The following ABCC5 variants were observed in gnomAD, a reference collection of about 807,000 sequenced individuals.
ABCC5 encodes ATP binding cassette subfamily C member 5, also known as ATP-binding cassette sub-family C member 5.
In ABCC5, 61 loss-of-function variants were observed where a neutral mutation model predicts 160.9. The ratio of observed to expected loss-of-function variants is 0.38; its 90% CI spans 0.31 to 0.47. The LOEUF (loss-of-function observed/expected upper bound fraction) is 0.47, where lower values mean the gene tolerates loss of function less well. Ranked by LOEUF, ABCC5 falls within the 20% of genes least tolerant of loss-of-function variation. The pLI is 0.99. For synonymous variants in ABCC5, 666 were observed against 700.6 expected (o/e 0.95, Z 0.78); for missense variants, 1,308 against 1,813.3 (o/e 0.72, Z 5.06).
At chr3:183,975,134 T>C (rs950975448) in intron 10 of ABCC5, among the ~76,000 whole-genome samples, 8 of 152,172 alleles carry the variant, frequency 5.3e-5, no homozygotes, top group Admixed American at 1.3e-4. Context: ...GGAACAGTTC[T>C]GTTGTTTTCA....
At chr3:183,931,461 T>C (rs1221966700) in intron 26 of ABCC5, among the ~76,000 whole-genome samples, 1 of 152,066 alleles carries the variant, frequency 6.6e-6, no homozygotes, top group African/African-American at 2.4e-5. Context: ...GCCTCCCAAG[T>C]AGCTGGGACT....
At chr3:184,002,353 C>T (rs1339281132) in intron 2 of ABCC5, among the ~76,000 whole-genome samples, 4 of 151,180 alleles carry the variant, frequency 2.6e-5, no homozygotes, top group East Asian at 1.9e-4. Flanking sequence ...GAGCCAAGAT[C>T]GCACCACTGC....
intron 2 of ABCC5, among the ~76,000 whole-genome samples, chr3:184,011,033 T>C (rs547564904): frequency 6.6e-6 from 1 of 151,956 alleles, no homozygotes; most frequent in South Asian, 2.1e-4. Context: ...TGAGCCACCG[T>C]GCCCGGCCCA....
chr3:183,978,561 G>T lies in ABCC5; in HGVS notation c.1238C>A (p.Ala413Asp), dbSNP rs1560026595. 1 of 1,614,158 alleles carries T rather than the reference G, an allele frequency of 6.2e-7. No homozygotes were observed. Among genetic ancestry groups the T allele is most frequent in the Admixed American group, 1.7e-5 (1 of 60,016 alleles). ...VGVAPIVVVI[A>D]SVVTFSVHMT... ...ATGAACAGAGAAGGTCACCACGCTG[G>T]CAATCACCACCACAATGGGAGCCAC... Residue 413 changes from alanine (A) to aspartate (D), a missense_variant, in exon 9 of 30, where the codon GCC becomes GAC. Coordinates refer to ENST00000334444, the MANE Select transcript of ABCC5 (RefSeq NM_005688.4).
At chr3:183,928,112 C>CTTTT (rs10715407) in intron 27 of ABCC5, among the ~76,000 whole-genome samples, 1 of 138,502 alleles carries the variant, frequency 7.2e-6, no homozygotes, top group Non-Finnish European at 1.6e-5. Flanking sequence ...TGTTATGTAT[C>CTTTT]TTTTTTTTTT....
intron 17 of ABCC5, among the ~76,000 whole-genome samples, chr3:183,956,325 A>G (rs1226582663): frequency 6.6e-6 from 1 of 151,524 alleles, no homozygotes; most frequent in Non-Finnish European, 1.5e-5. Flanking sequence ...TGTAAATCAC[A>G]TCGGTTACAT....
At chr3:183,981,909 CTCAT>C (rs1718778929) in intron 7 of ABCC5, 35 bp from the exon 8 acceptor site, 1 of 1,572,882 alleles carries the variant, frequency 6.4e-7, no homozygotes, top group African/African-American at 1.4e-5. Flanking sequence ...CAAATTAAAG[CTCAT>C]TCAAACTTGA....
chr3:183,959,859 T>C (rs777778309), intron 16 of ABCC5, 24 bp from the exon 17 acceptor site: 2 of 1,501,734 alleles, frequency 1.3e-6, no homozygotes, highest in Admixed American at 1.9e-5. Context: ...AAAAAAAAAG[T>C]CTCCAGTCAT....
At chr3:183,975,405 G>C (rs1296395699) in intron 10 of ABCC5, among the ~76,000 whole-genome samples, 1 of 151,840 alleles carries the variant, frequency 6.6e-6, no homozygotes, top group Non-Finnish European at 1.5e-5. Context: ...GCAGTGGCGC[G>C]ATCTCGACTC....
Position 183,951,987 on chromosome 3 carries a change from C to T in ABCC5, c.2684G>A (p.Arg895Gln), listed in dbSNP as rs760643793. 13 of 1,611,858 alleles carry T rather than the reference C, an allele frequency of 8.1e-6. No homozygotes were observed. The highest frequency in any genetic ancestry group is 2.7e-5 in the African/African-American group (2 of 74,998). ...GTCACTCACCGAGGTCTCGTTCCCTCGAGTCACAGTGGTGTTCTGTTTGAA... is the reference window on the plus strand; with the variant it reads ...GTCACTCACCGAGGTCTCGTTCCCTTGAGTCACAGTGGTGTTCTGTTTGAA... ...KQGSGNTTVT[R>Q]GNETSVSDSM... Residue 895 changes from arginine (R) to glutamine (Q), a missense_variant, in exon 19 of 30, where the codon CGA (arginine) becomes CAA (glutamine). Coordinates refer to ENST00000334444, the MANE Select transcript of ABCC5 (RefSeq NM_005688.4). This position sits in a 1 kb window ranked among gnomAD's most constrained non-coding sequence, Gnocchi z 4.7.
chr3:183,921,673 C>T lies in ABCC5; in HGVS notation c.4213-272G>A, dbSNP rs1358789686. Among the ~76,000 whole-genome samples the T allele has an allele frequency of 6.6e-6, 1 of 151,846 alleles. No individual in the cohort carries two copies. Among genetic ancestry groups the T allele is most frequent in the Non-Finnish European group, 1.5e-5 (1 of 67,970 alleles). Reference sequence around the variant, plus strand: ...CAAAAAAAAAAAAAGAAAACGACTTCCAGACCTCCTTCACATAAATCCAAA... The same window carrying T: ...CAAAAAAAAAAAAAGAAAACGACTTTCAGACCTCCTTCACATAAATCCAAA... On this transcript the variant is annotated intron_variant, in intron 29 of 29. Coordinates refer to ENST00000334444, the MANE Select transcript of ABCC5 (RefSeq NM_005688.4). This position sits in a 1 kb window ranked among gnomAD's most constrained non-coding sequence, Gnocchi z 4.1.
At chr3:183,952,593 G>A (rs76491843) in intron 18 of ABCC5, among the ~76,000 whole-genome samples, 5,067 of 152,226 alleles carry the variant, frequency 0.033, 120 homozygotes, top group Middle Eastern at 0.061. Flanking sequence ...TATTCTTGTC[G>A]TGACAGTGAG....
At position 183,949,764 on chromosome 3, in the gene ABCC5, C is replaced by A; in HGVS notation, c.3216G>T (p.Glu1072Asp). The A allele has an allele frequency of 6.2e-7, 1 of 1,614,104 alleles. No homozygotes were observed. The highest frequency in any genetic ancestry group is 1.1e-5 in the South Asian group (1 of 91,072). Residue 1072 changes from glutamate to aspartate, a missense_variant, in exon 22 of 30, where the codon GAG becomes GAT. Glu to Asp is a conservative substitution (Grantham distance 45, BLOSUM62 2). This residue lies in a region of ABCC5 where 1,142 missense variants were observed against 1,527.1 expected (regional missense o/e 0.75). Coordinates refer to ENST00000334444, the MANE Select transcript of ABCC5 (RefSeq NM_005688.4). This position sits in a 1 kb window ranked among gnomAD's most constrained non-coding sequence, Gnocchi z 4.2. The part of the protein sequence containing the change: ...ATIHAYNKGQ[E>D]FLHRYQELLD... ...CCATCAGGACAAACCTGTGCAGAAA[C>A]TCCTGCCCTTTATTGTAGGCGTGGA... is the stretch of plus-strand genomic sequence containing the variant.
intron 2 of ABCC5, among the ~76,000 whole-genome samples, chr3:184,008,812 T>G (rs1237783244): frequency 6.6e-6 from 1 of 152,238 alleles, no homozygotes; most frequent in Non-Finnish European, 1.5e-5. Flanking sequence ...TATTCTTTGG[T>G]GCTTTGCTTC....
rs1577542614 is a variant in ABCC5 at position 183,963,076 on chromosome 3, A to T, written c.2235+309T>A. 6.6e-6 allele frequency among the ~76,000 whole-genome samples: 1 copy of T among 152,352 alleles called. No individual in the cohort carries two copies. Among genetic ancestry groups the T allele is most frequent in the African/African-American group, 2.4e-5 (1 of 41,584 alleles). ...TTCCCAAAACAGTTCCCACTTGCAT[A>T]GAGATGTTAACACAATGCTTTCCAA... On this transcript the variant is annotated intron_variant, in intron 15 of 29. Transcript: ENST00000334444. This position sits in a 1 kb window ranked among gnomAD's most constrained non-coding sequence, Gnocchi z 4.6.
At chr3:183,959,892 C>A in intron 16 of ABCC5, 57 bp from the exon 17 acceptor site, 1 of 1,228,254 alleles carries the variant, frequency 8.1e-7, no homozygotes, top group Non-Finnish European at 1.2e-6. Context: ...GATGAATGTC[C>A]ACAGGATACA....
chr3:184,005,995 T>G (rs1006953664), intron 2 of ABCC5, among the ~76,000 whole-genome samples: 1 of 151,858 alleles, frequency 6.6e-6, no homozygotes, highest in Non-Finnish European at 1.5e-5. Context: ...CAGGCTATAT[T>G]TATTTCCCTT....
chr3:183,941,977 A>C (rs1714397937), intron 25 of ABCC5, among the ~76,000 whole-genome samples: 1 of 152,126 alleles, frequency 6.6e-6, no homozygotes, highest in Non-Finnish European at 1.5e-5. Flanking sequence ...TGTCTCAAAA[A>C]AAAAAAGAAG....
At position 183,963,415 on chromosome 3, in the gene ABCC5, C is replaced by T. The variant is rs768132235; in HGVS notation, c.2205G>A (p.Lys735=). The T allele has an allele frequency of 8.7e-6, 14 of 1,614,136 alleles. No individual in the cohort carries two copies. Among genetic ancestry groups the T allele is most frequent in the Middle Eastern group, 1.6e-4 (1 of 6,084 alleles). The change falls in exon 15 of 30, where the codon AAG becomes AAA. Residue 735 remains lysine (K), a synonymous_variant. Transcript: ENST00000334444. The surrounding 1 kb of genome is among the most constrained non-coding windows in gnomAD (Gnocchi z 4.6). ...ACTGGTGGGTAACAAACAGAACTGT[C>T]TTGGACTTGAGATGTTTCCGGATAG... The part of the protein sequence containing the change: ...NSAIRKHLKS[K]TVLFVTHQLQ...
Sources: gnomAD v4.1 joint callset for allele counts (sites outside exome capture counted in the v4.1 genomes callset) on GRCh38, gnomAD v4.1.1 for gene constraint, gnomAD v4.1.1 regional missense constraint, Gnocchi (gnomAD v3.1) non-coding constraint, MANE v1.5 for transcripts, NCBI Gene and HGNC (gene_info 2026-07-23, HGNC 2026-07-21) for gene names.